DSCAM: variants seen among roughly 807,000 people sequenced by gnomAD.
DSCAM encodes DS cell adhesion molecule.
A neutral mutation model predicts 217.7 loss-of-function variants in DSCAM; 47 were observed. The observed-to-expected ratio is 0.22, with a 90% CI of 0.17 to 0.28. DSCAM has a LOEUF of 0.28. DSCAM is among the 10% of genes least tolerant of loss of function. The pLI is 1.00. For synonymous variants in DSCAM, 1,056 were observed against 1,015.3 expected, an observed-to-expected ratio of 1.04 and a Z score of -0.76; for missense variants, 2,080 against 2,618.3, an observed-to-expected ratio of 0.79 and a Z score of 4.49.
intron 1 of DSCAM, among the ~76,000 whole-genome samples, chr21:40,779,626 T>G (rs904257873): frequency 5.9e-5 from 9 of 152,152 alleles, no homozygotes; most frequent in Non-Finnish European, 1.2e-4. Flanking sequence ...ATAAATAATT[T>G]TATATGATAA....
intron 11 of DSCAM, among the ~76,000 whole-genome samples, chr21:40,224,493 T>G (rs1215259889): frequency 2.6e-5 from 4 of 152,196 alleles, no homozygotes; most frequent in African/African-American, 9.7e-5. Flanking sequence ...ATAAGAAGTC[T>G]GGCTAGAGGC....
chr21:40,436,847 G>A (rs1201705929), intron 3 of DSCAM, among the ~76,000 whole-genome samples: 1 of 71,560 alleles, frequency 1.4e-5, no homozygotes, highest in Non-Finnish European at 3.1e-5. Flanking sequence ...GTTTCTTGCT[G>A]AAACAATCAA....
At chr21:40,430,883 G>C (rs775384479) in intron 3 of DSCAM, among the ~76,000 whole-genome samples, 10 of 152,298 alleles carry the variant, frequency 6.6e-5, no homozygotes, top group African/African-American at 2.4e-4. Flanking sequence ...CATCTTTACC[G>C]GCATTCTTCT....
At chr21:40,197,939 A>C (rs960662019) in intron 11 of DSCAM, among the ~76,000 whole-genome samples, 38 of 152,302 alleles carry the variant, frequency 2.5e-4, no homozygotes, top group African/African-American at 9.1e-4. Context: ...GTAGCGGAGG[A>C]GGCCAAGGGT....
intron 3 of DSCAM, among the ~76,000 whole-genome samples, chr21:40,667,469 A>C (rs1719166992): frequency 6.6e-6 from 1 of 152,238 alleles, no homozygotes; most frequent in African/African-American, 2.4e-5. Context: ...ATGTGCCCAA[A>C]GTGTCTAACT....
intron 1 of DSCAM, among the ~76,000 whole-genome samples, chr21:40,746,009 G>A (rs988781945): frequency 1.3e-5 from 2 of 151,744 alleles, no homozygotes; most frequent in Non-Finnish European, 2.9e-5. Flanking sequence ...ACTATAACAT[G>A]ATTTTAAGCA....
intron 3 of DSCAM, among the ~76,000 whole-genome samples, chr21:40,594,555 T>A (rs2146249474): frequency 6.6e-6 from 1 of 152,318 alleles, no homozygotes; most frequent in South Asian, 2.1e-4. Flanking sequence ...AGGCCATTAG[T>A]TAGCACAATA....
intron 19 of DSCAM, among the ~76,000 whole-genome samples, chr21:40,128,449 G>A (rs928872978): frequency 6.6e-6 from 1 of 151,932 alleles, no homozygotes; most frequent in African/African-American, 2.4e-5. Flanking sequence ...GGCTTGTTCA[G>A]GTATCATTGA....
chr21:40,339,852 C>T (rs552570439), intron 6 of DSCAM, among the ~76,000 whole-genome samples: 1 of 39,032 alleles, frequency 2.6e-5, no homozygotes, highest in East Asian at 7.2e-4. Flanking sequence ...ACAGCAATTA[C>T]TTTTGCACCA....
In DSCAM at chr21:40,674,632, C is replaced by CT. The variant is rs869046725; in HGVS notation, c.508+18177dup. On this transcript the variant is annotated intron_variant, in intron 3 of 32. Coordinates refer to ENST00000400454, the MANE Select transcript of DSCAM (RefSeq NM_001389.5). Reference sequence around the variant, plus strand: ...GTATTTTCTTTTTCTTTTTCTTTTTCTTTTTTTTTTTTTTTTTTGAGACGG... The same window carrying CT: ...GTATTTTCTTTTTCTTTTTCTTTTTCTTTTTTTTTTTTTTTTTTTGAGACGG... Among the ~76,000 whole-genome samples, 429 of 51,980 alleles carry CT rather than the reference C, an allele frequency of 8.3e-3. 4 individuals are homozygous for CT. Among genetic ancestry groups the CT allele is most frequent in the African/African-American group, 0.022 (349 of 15,644 alleles). 34.1% of individuals were successfully genotyped at this position (51,980 alleles called of 152,430 possible).
intron 3 of DSCAM, among the ~76,000 whole-genome samples, chr21:40,646,234 G>C (rs2089944729): frequency 6.6e-6 from 1 of 152,058 alleles, no homozygotes; most frequent in Non-Finnish European, 1.5e-5. Context: ...GGCCAACATG[G>C]TGAAACCCTG....
chr21:40,670,544 A>AAAC (rs1277602513), intron 3 of DSCAM, among the ~76,000 whole-genome samples: 2 of 152,018 alleles, frequency 1.3e-5, no homozygotes, highest in African/African-American at 4.8e-5. Context: ...CTCAAAAAAA[A>AAAC]AAAAAAGTGA....
chr21:40,487,544 T>C (rs951272998), intron 3 of DSCAM, among the ~76,000 whole-genome samples: 2 of 151,880 alleles, frequency 1.3e-5, no homozygotes, highest in African/African-American at 4.8e-5. Flanking sequence ...ATGCTGAGAG[T>C]AATCAGAGCT....
At chr21:40,037,475 C>T (rs1198175892) in intron 32 of DSCAM, among the ~76,000 whole-genome samples, 4 of 143,096 alleles carry the variant, frequency 2.8e-5, no homozygotes, top group African/African-American at 1.1e-4. Flanking sequence ...TGAAGGACCT[C>T]TTCAAGGAGA....
chr21:40,276,381 A>C, intron 10 of DSCAM, 111 bp from the exon 11 acceptor site: 1 of 931,298 alleles, frequency 1.1e-6, no homozygotes, highest in Non-Finnish European at 1.5e-6. Context: ...CTGATCCCAT[A>C]AGGCAGTCAC....
intron 1 of DSCAM, among the ~76,000 whole-genome samples, chr21:40,735,061 A>AT (rs1277645042): frequency 6.6e-6 from 1 of 152,212 alleles, no homozygotes. Flanking sequence ...GCATTGAGAG[A>AT]TAAATTAGCA....
chr21:40,519,342 A>T (rs956352645), intron 3 of DSCAM, among the ~76,000 whole-genome samples: 1 of 152,196 alleles, frequency 6.6e-6, no homozygotes, highest in Non-Finnish European at 1.5e-5. Context: ...TATGAAAAAA[A>T]GTCTCAGTGC....
intron 1 of DSCAM, among the ~76,000 whole-genome samples, chr21:40,725,405 T>C (rs2090945110): frequency 6.6e-6 from 1 of 152,168 alleles, no homozygotes; most frequent in Non-Finnish European, 1.5e-5. Context: ...TCTTCTATCT[T>C]CCCAGAGGAC....
chr21:40,545,506 T>C (rs1010021563), intron 3 of DSCAM, among the ~76,000 whole-genome samples: 1 of 152,116 alleles, frequency 6.6e-6, no homozygotes, highest in Non-Finnish European at 1.5e-5. Flanking sequence ...TTTAATAGTT[T>C]ATAAAAGCCA....
Sources: allele counts gnomAD v4.1 joint callset (sites outside exome capture counted in the v4.1 genomes callset), GRCh38; gene constraint gnomAD v4.1.1; transcripts MANE v1.5; gene names NCBI Gene and HGNC (gene_info 2026-07-23, HGNC 2026-07-21).